The following ADAMTS17 variants were observed in gnomAD, a reference collection of about 807,000 sequenced individuals.
ADAMTS17 encodes ADAM metallopeptidase with thrombospondin type 1 motif 17, also known as A disintegrin and metalloproteinase with thrombospondin motifs 17.
In ADAMTS17, 113 loss-of-function variants were observed where a neutral mutation model predicts 141.5. That is an observed-to-expected ratio of 0.80 (90% CI 0.69 to 0.93). ADAMTS17 has a LOEUF of 0.93. ADAMTS17 is among the 40% of genes least tolerant of loss of function. The probability of loss-of-function intolerance (pLI) is 0.00; values close to 1 mark genes in which losing one functional copy is unlikely to be tolerated. For missense variants in ADAMTS17, 1,659 were observed against 1,517.9 expected (o/e 1.09, Z -1.54); for synonymous variants, 768 against 630.6 (o/e 1.22, Z -3.27).
At chr15:100,170,984 T>TCC (rs994553923) in intron 8 of ADAMTS17, among the ~76,000 whole-genome samples, 1 of 152,092 alleles carries the variant, frequency 6.6e-6, no homozygotes, top group Non-Finnish European at 1.5e-5. Context: ...ATTGAGCCCA[T>TCC]CCCCCACACC....
intron 7 of ADAMTS17, among the ~76,000 whole-genome samples, chr15:100,207,020 T>C (rs2041596897): frequency 6.6e-6 from 1 of 152,216 alleles, no homozygotes; most frequent in African/African-American, 2.4e-5. Context: ...TGCTCACTGT[T>C]ATGGGCTAAA....
At chr15:100,051,534 AC>A (rs1567089983) in intron 17 of ADAMTS17, 37 bp downstream of exon 17, 4 of 1,611,320 alleles carry the variant, frequency 2.5e-6, no homozygotes, top group Non-Finnish European at 3.4e-6. Flanking sequence ...CTTCAGCAAA[AC>A]CCCACACCCA....
chr15:100,226,891 T>G (rs931647231), intron 7 of ADAMTS17, among the ~76,000 whole-genome samples: 1 of 152,226 alleles, frequency 6.6e-6, no homozygotes, highest in Non-Finnish European at 1.5e-5. Context: ...AATAATCAAC[T>G]GTTCTGATCT....
At chr15:99,975,385 T>G (rs1343169238) in intron 21 of ADAMTS17, among the ~76,000 whole-genome samples, 1 of 152,162 alleles carries the variant, frequency 6.6e-6, no homozygotes, top group Admixed American at 6.5e-5. Flanking sequence ...GATTTTTGTA[T>G]TTTTAGTAGA....
chr15:100,151,356 G>A (rs2039154897), intron 10 of ADAMTS17, among the ~76,000 whole-genome samples: 1 of 152,218 alleles, frequency 6.6e-6, no homozygotes, highest in Non-Finnish European at 1.5e-5. Flanking sequence ...TGCTCCAACT[G>A]CAGGTTGTGT....
rs1323459239 is a variant in ADAMTS17, at chr15:100,051,751, A to G, written c.2296-20T>C. ...CAACACCTGGATCAGCCGCAAAACA[A>G]AAGGCCATTTTGAAAAGGAAGGAAG... On this transcript the variant is annotated intron_variant, in intron 16 of 21. Coordinates refer to ENST00000268070, the MANE Select transcript of ADAMTS17 (RefSeq NM_139057.4). The G allele has an allele frequency of 1.2e-6, 2 of 1,614,138 alleles. No homozygotes were observed. The highest frequency in any genetic ancestry group is 2.2e-5 in the South Asian group (2 of 91,042).
At chr15:99,977,483 C>T (rs1433941807) in intron 20 of ADAMTS17, among the ~76,000 whole-genome samples, 2 of 139,766 alleles carry the variant, frequency 1.4e-5, no homozygotes, top group Non-Finnish European at 3.0e-5. Context: ...GCAATCTCGG[C>T]TCACTGTGCA....
rs1354774073 is a variant in ADAMTS17, at chr15:100,341,924, C to T, written c.-25G>A. 7.1e-6 allele frequency: 11 copies of T among 1,541,416 alleles called. No individual in the cohort carries two copies. Among genetic ancestry groups the T allele is most frequent in the East Asian group, 4.9e-5 (2 of 40,676 alleles). Reference sequence around the variant, plus strand: ...TGGTACCCGGGACCGGCAGCCCCCCCGGACCGTGGCGGCGAAGCAGGAGCG... The same window carrying T: ...TGGTACCCGGGACCGGCAGCCCCCCTGGACCGTGGCGGCGAAGCAGGAGCG... On this transcript the variant is annotated 5_prime_UTR_variant, in exon 1 of 22. Transcript: ENST00000268070.
At chr15:100,067,776 G>C (rs1019463749) in intron 15 of ADAMTS17, among the ~76,000 whole-genome samples, 1 of 152,066 alleles carries the variant, frequency 6.6e-6, no homozygotes, top group Admixed American at 6.5e-5. Context: ...AAAAAAAAGA[G>C]CCAAGATGGC....
intron 15 of ADAMTS17, among the ~76,000 whole-genome samples, chr15:100,088,658 C>G (rs1401939143): frequency 6.6e-6 from 1 of 152,000 alleles, no homozygotes; most frequent in South Asian, 2.1e-4. Flanking sequence ...ACCAATGGAA[C>G]AGAACAGAGC....
chr15:100,050,754 A>G (rs986271302), intron 17 of ADAMTS17, among the ~76,000 whole-genome samples: 1 of 152,182 alleles, frequency 6.6e-6, no homozygotes, highest in Admixed American at 6.5e-5. Flanking sequence ...GGCCTACCAG[A>G]GTCCAGGTCA....
At chr15:100,045,837 CATTTCTCT>C (rs565830583) in intron 18 of ADAMTS17, among the ~76,000 whole-genome samples, 22 of 152,212 alleles carry the variant, frequency 1.4e-4, no homozygotes, top group Non-Finnish European at 2.5e-4. Flanking sequence ...TCTATTCCTC[CATTTCTCT>C]ATTTCTCTTC....
chr15:100,267,390 T>G (rs1365068184), intron 4 of ADAMTS17, among the ~76,000 whole-genome samples: 2 of 152,228 alleles, frequency 1.3e-5, no homozygotes, highest in Admixed American at 6.5e-5. Flanking sequence ...ATGGACACCT[T>G]GGCTGTTTTT....
chr15:100,231,036 A>G (rs2042465269), intron 7 of ADAMTS17, among the ~76,000 whole-genome samples: 1 of 152,210 alleles, frequency 6.6e-6, no homozygotes, highest in Non-Finnish European at 1.5e-5. Flanking sequence ...AGGAATTGTG[A>G]AGTTGGCAAC....
intron 12 of ADAMTS17, among the ~76,000 whole-genome samples, chr15:100,121,415 A>G: frequency 6.6e-6 from 1 of 152,220 alleles, no homozygotes; most frequent in East Asian, 1.9e-4. Flanking sequence ...TAAACTGCCA[A>G]AAGACAAAGA....
At chr15:100,049,464 A>G (rs28591392) in intron 17 of ADAMTS17, among the ~76,000 whole-genome samples, 57,654 of 152,068 alleles carry the variant, frequency 0.38, 13,214 homozygotes, top group African/African-American at 0.63. Flanking sequence ...TGGAAGACAC[A>G]CAGACCTGCA....
intron 14 of ADAMTS17, among the ~76,000 whole-genome samples, chr15:100,097,105 G>A (rs1395476451): frequency 6.6e-6 from 1 of 152,192 alleles, no homozygotes; most frequent in Non-Finnish European, 1.5e-5. Context: ...CTCTACCCTA[G>A]GTGGATCTGA....
chr15:100,336,938 A>T (rs1280560421), intron 2 of ADAMTS17, among the ~76,000 whole-genome samples: 1 of 152,048 alleles, frequency 6.6e-6, no homozygotes, highest in Non-Finnish European at 1.5e-5. Flanking sequence ...CATTGGCGGG[A>T]TCTCACCTCA....
chr15:100,043,456 G>C (rs900115681), intron 18 of ADAMTS17, among the ~76,000 whole-genome samples: 1 of 152,132 alleles, frequency 6.6e-6, no homozygotes, highest in Non-Finnish European at 1.5e-5. Context: ...TGTATAATAA[G>C]AAAATACATT....
Sources: allele counts gnomAD v4.1 joint callset (sites outside exome capture counted in the v4.1 genomes callset), GRCh38; gene constraint gnomAD v4.1.1; transcripts MANE v1.5; gene names NCBI Gene and HGNC (gene_info 2026-07-23, HGNC 2026-07-21).